Variants in PGAP2 observed in about 807,000 individuals in gnomAD.
PGAP2 encodes the protein post-GPI attachment to proteins 2.
PGAP2 carries 21 observed loss-of-function variants against 33.2 expected under a neutral mutation model. That is an observed-to-expected ratio of 0.63 (90% confidence interval 0.45 to 0.91). The LOEUF (loss-of-function observed/expected upper bound fraction) is 0.91. PGAP2 is among the 40% of genes least tolerant of loss of function. The pLI, the probability that PGAP2 is intolerant of heterozygous loss-of-function variation, is 0.00. For missense variants in PGAP2, 345 were observed against 424.0 expected (o/e 0.81, Z 1.64); for synonymous variants, 161 against 172.9 (o/e 0.93, Z 0.54).
At chr11:3,806,428 C>CTAA (rs530205564), upstream of PGAP2, among the ~76,000 whole-genome samples, 198 of 152,290 alleles carry the variant, frequency 1.3e-3, no homozygotes, top group Non-Finnish European at 2.4e-3. Flanking sequence ...ACAAGACACT[C>CTAA]TGAGTGCGCA....
rs865888404 is a variant in PGAP2 at position 3,822,169 on chromosome 11, C to A, written c.349-1714C>A. On this transcript the variant is annotated intron_variant, in intron 3 of 6. Transcript: ENST00000278243. Reference sequence around the variant, plus strand: ...CACGAGGTCAGGAGATTGAGACCATCCTGGCTAACACGGTGAAACCCCGTC... The same window carrying A: ...CACGAGGTCAGGAGATTGAGACCATACTGGCTAACACGGTGAAACCCCGTC... 1.1e-4 allele frequency among the ~76,000 whole-genome samples: 16 copies of A among 151,468 alleles called. No homozygotes were observed. The Middle Eastern group carries it at 0.018, about 170-fold the overall frequency.
chr11:3,807,057 C>G (rs113482505), upstream of PGAP2, among the ~76,000 whole-genome samples: 4,054 of 150,318 alleles, frequency 0.027, 187 homozygotes, highest in African/African-American at 0.092. Context: ...AAAAAAAGGC[C>G]AGGCGCGGTG....
chr11:3,808,714 G>A, intron 1 of PGAP2, 63 bp downstream of exon 1: 1 of 948,670 alleles, frequency 1.1e-6, no homozygotes, highest in African/African-American at 1.8e-5. Context: ...TGGCCGCGCG[G>A]TCTGGCCTCT....
chr11:3,803,783 C>CTA (rs528592674), upstream of PGAP2, among the ~76,000 whole-genome samples: 420 of 133,328 alleles, frequency 3.2e-3, 3 homozygotes, highest in South Asian at 7.5e-3. Context: ...GAATTTACTG[C>CTA]TATATATATA....
At chr11:3,803,118 C>T (rs555158542) in intron 1 of PGAP2, among the ~76,000 whole-genome samples, 7 of 151,862 alleles carry the variant, frequency 4.6e-5, no homozygotes, top group Middle Eastern at 3.4e-3. Context: ...CTCAGCCTCC[C>T]GAGTAGCTGG....
intron 2 of PGAP2, among the ~76,000 whole-genome samples, chr11:3,812,791 G>A (rs1271624283): frequency 6.6e-6 from 1 of 152,176 alleles, no homozygotes; most frequent in Non-Finnish European, 1.5e-5. Context: ...TTTACTTCAT[G>A]TGACTGGAGT....
rs2089894908 is a variant in PGAP2 at position 3,825,606 on chromosome 11, C to G, written c.*148C>G. 2 of 793,316 alleles carry G rather than the reference C, an allele frequency of 2.5e-6. No individual in the cohort carries two copies. The highest frequency in any genetic ancestry group is 3.1e-5 in the Admixed American group (1 of 32,650). 49.1% of individuals were successfully genotyped at this position (793,316 alleles called of 1,614,324 possible). A position where few individuals can be genotyped will look rare whatever the true frequency, so the allele number is the denominator to read the frequency against. ...AGGAAGGGTGTAGGCCAAGGCTCACCCCAGTGCTGCTGGCTTCTCCTCTCC... is the reference window on the plus strand; with the variant it reads ...AGGAAGGGTGTAGGCCAAGGCTCACGCCAGTGCTGCTGGCTTCTCCTCTCC... On this transcript the variant is annotated 3_prime_UTR_variant, in exon 7 of 7. Transcript: ENST00000278243.
chr11:3,808,848 G>A (rs61896957), intron 1 of PGAP2, among the ~76,000 whole-genome samples, 197 bp downstream of exon 1: 14,853 of 152,250 alleles, frequency 0.098, 785 homozygotes, highest in Middle Eastern at 0.15. Flanking sequence ...CCTCCCCAGC[G>A]TGGGGCCGGG....
chr11:3,798,025 C>T, intron 1 of PGAP2: 2 of 1,537,338 alleles, frequency 1.3e-6, no homozygotes, highest in Non-Finnish European at 1.8e-6. Context: ...GCCGGCGCTG[C>T]TGGGAAGGCT....
intron 2 of PGAP2, among the ~76,000 whole-genome samples, chr11:3,814,764 C>CT (rs1224587583): frequency 1.4e-3 from 126 of 92,372 alleles, no homozygotes; most frequent in Non-Finnish European, 2.8e-3. Context: ...TTCTTTCTTT[C>CT]TTTCTTTCTT....
In PGAP2 at chr11:3,811,296, AC is replaced by A. The variant is rs748054484; in HGVS notation, c.40del (p.Leu14TrpfsTer111). 6.2e-7 allele frequency: 1 copy of A among 1,613,904 alleles called. No individual in the cohort carries two copies. Among genetic ancestry groups the A allele is most frequent in the African/African-American group, 1.3e-5 (1 of 74,966 alleles). ...QVPLPLDRDG[T>X]LVRLRFTMVA... Reference sequence around the variant, plus strand: ...CCCACTACCACTGGATCGGGATGGGACCCTGGTACGGCTCCGCTTCACCATG... The same window carrying A: ...CCCACTACCACTGGATCGGGATGGGACCTGGTACGGCTCCGCTTCACCATG... On this transcript the variant is annotated frameshift_variant, in exon 2 of 7. Coordinates refer to ENST00000278243, the MANE Select transcript of PGAP2 (RefSeq NM_014489.4). LOFTEE classifies it high-confidence loss of function. The surrounding 1 kb of genome is among the most constrained non-coding windows in gnomAD (Gnocchi z 4.6).
chr11:3,818,440 A>G (rs1366740657), intron 3 of PGAP2, among the ~76,000 whole-genome samples: 2 of 152,038 alleles, frequency 1.3e-5, no homozygotes, highest in Non-Finnish European at 2.9e-5. Flanking sequence ...AAGGAGGCAG[A>G]TTGGAAAGGA....
chr11:3,807,106 CG>C (rs111541065), upstream of PGAP2, among the ~76,000 whole-genome samples: 4,100 of 151,276 alleles, frequency 0.027, 190 homozygotes, highest in African/African-American at 0.093. Flanking sequence ...GAAGCCAAGG[CG>C]GGGGCAGATC....
At chr11:3,824,877 C>T (rs892391828) in intron 5 of PGAP2, 143 bp from the exon 6 acceptor site, 72 of 1,466,274 alleles carry the variant, frequency 4.9e-5, no homozygotes, top group Middle Eastern at 2.2e-4. Flanking sequence ...GTCATTCTTG[C>T]TGCCCCTGCC....
At chr11:3,809,011 A>C (rs2085016106) in intron 1 of PGAP2, among the ~76,000 whole-genome samples, 1 of 152,136 alleles carries the variant, frequency 6.6e-6, no homozygotes, top group Non-Finnish European at 1.5e-5. Context: ...AAGTGTTTTG[A>C]ACCTCCCTGA....
intron 3 of PGAP2, 44 bp from the exon 4 acceptor site, chr11:3,823,839 G>A (rs768985617): frequency 2.1e-5 from 34 of 1,596,950 alleles, no homozygotes; most frequent in African/African-American, 6.7e-5. Context: ...CCACATGGGC[G>A]GGGCTGGCAG....
chr11:3,806,365 C>T (rs1341302619), upstream of PGAP2, among the ~76,000 whole-genome samples: 1 of 151,840 alleles, frequency 6.6e-6, no homozygotes, highest in Non-Finnish European at 1.5e-5. Context: ...TGTCCTGGGA[C>T]CTTAAAGAAC....
chr11:3,818,804 G>A (rs1373471504), intron 3 of PGAP2, among the ~76,000 whole-genome samples: 2 of 152,192 alleles, frequency 1.3e-5, no homozygotes, highest in Non-Finnish European at 2.9e-5. Flanking sequence ...CAACACAGTG[G>A]TCTGGGGTTC....
At chr11:3,801,838 G>A (rs11029830) in intron 1 of PGAP2, among the ~76,000 whole-genome samples, 98,757 of 151,252 alleles carry the variant, frequency 0.65, 33,569 homozygotes, top group East Asian at 0.81. Context: ...CCAGCTAGTC[G>A]GGAGGCTGAG....
Sources: allele counts gnomAD v4.1 joint callset (sites outside exome capture counted in the v4.1 genomes callset), GRCh38; gene constraint gnomAD v4.1.1; non-coding constraint Gnocchi (gnomAD v3.1); transcripts MANE v1.5; gene names NCBI Gene and HGNC (gene_info 2026-07-23, HGNC 2026-07-21).